PLXNA2: variants seen among roughly 807,000 people sequenced by gnomAD.
PLXNA2 encodes plexin A2.
Under a neutral mutation model 193.5 loss-of-function variants are expected in PLXNA2, and 91 were observed. The observed-to-expected ratio is 0.47, with a 90% CI of 0.40 to 0.56. The LOEUF (loss-of-function observed/expected upper bound fraction) is 0.56. PLXNA2 is among the 20% of genes least tolerant of loss of function. The pLI, the probability that PLXNA2 is intolerant of heterozygous loss-of-function variation, is 0.00. For synonymous variants in PLXNA2, 997 were observed against 1,027.3 expected (o/e 0.97, Z 0.56); for missense variants, 1,995 against 2,503.2 (o/e 0.80, Z 4.33).
At chr1:208,071,909 G>C (rs1031928778) in intron 12 of PLXNA2, among the ~76,000 whole-genome samples, 2 of 152,122 alleles carry the variant, frequency 1.3e-5, no homozygotes, top group Admixed American at 1.3e-4. Flanking sequence ...GCAGAGATTT[G>C]GTGCAGCCTT....
chr1:208,154,541 C>T (rs984726596), intron 3 of PLXNA2, among the ~76,000 whole-genome samples: 2 of 152,090 alleles, frequency 1.3e-5, no homozygotes, highest in Non-Finnish European at 2.9e-5. Flanking sequence ...AGGACTAAGA[C>T]CAAGGGAGCT....
chr1:208,238,019 C>T lies in PLXNA2; in HGVS notation c.-81+5624G>A, dbSNP rs1023969915. 5.3e-5 allele frequency among the ~76,000 whole-genome samples: 8 copies of T among 152,224 alleles called. No homozygotes were observed. In the East Asian group the frequency reaches 9.6e-4, roughly 18 times the overall value. ...TTGGTTCAGTGCAAAGGGTAAGAAT[C>T]TCTCCTTCTTCTATCCCTCTATACT... On this transcript the variant is annotated intron_variant, in intron 1 of 31. Coordinates refer to ENST00000367033, the MANE Select transcript of PLXNA2 (RefSeq NM_025179.4).
At chr1:208,142,073 C>A (rs1668472828) in intron 4 of PLXNA2, among the ~76,000 whole-genome samples, 1 of 152,242 alleles carries the variant, frequency 6.6e-6, no homozygotes, top group South Asian at 2.1e-4. Flanking sequence ...CGCAGTCTGG[C>A]CTGTTCTTGC....
intron 3 of PLXNA2, among the ~76,000 whole-genome samples, chr1:208,193,871 G>A (rs1670265900): frequency 6.6e-6 from 1 of 152,060 alleles, no homozygotes; most frequent in South Asian, 2.1e-4. Flanking sequence ...TACTGCAGCT[G>A]GGGTGACAGA....
At chr1:208,055,672 G>A (rs566145349) in intron 13 of PLXNA2, among the ~76,000 whole-genome samples, 5 of 152,258 alleles carry the variant, frequency 3.3e-5, no homozygotes, top group South Asian at 4.1e-4. Context: ...GGGAAGATCC[G>A]TGTTTAACCG....
Position 208,042,275 on chromosome 1 carries a change from C to A in PLXNA2, c.4109G>T (p.Arg1370Leu). 1.2e-6 allele frequency: 2 copies of A among 1,614,198 alleles called. No homozygotes were observed. Among genetic ancestry groups the A allele is most frequent in the Non-Finnish European group, 1.7e-6 (2 of 1,180,028 alleles). ...NNKVFLLTFIRTLELQRSFSM... is the reference protein window; with the variant it reads ...NNKVFLLTFILTLELQRSFSM... The stretch of plus-strand genomic sequence containing the variant: ...GAAACTGCGCTGCAGCTCCAGGGTG[C>A]GGATGAAGGTCAGCAGGAACACCTT... The change falls in exon 22 of 32, where the codon CGC becomes CTC. Residue 1370 changes from arginine to leucine, a missense_variant. By Grantham distance (102) the Arg-to-Leu change is moderately radical. Around this residue, in one of 3 missense-constraint regions of PLXNA2, gnomAD observed 1,291 missense variants for 1,673.6 expected, o/e 0.77. Coordinates refer to ENST00000367033, the MANE Select transcript of PLXNA2 (RefSeq NM_025179.4).
At chr1:208,178,911 C>G (rs1669750396) in intron 3 of PLXNA2, among the ~76,000 whole-genome samples, 1 of 152,230 alleles carries the variant, frequency 6.6e-6, no homozygotes, top group Non-Finnish European at 1.5e-5. Flanking sequence ...GATTCGGATG[C>G]AAGCTTAAGT....
rs975307641 is a variant in PLXNA2 at position 208,107,270 on chromosome 1, G to A, written c.1507-4023C>T. ...TAACAACTCTCCAACCGATTCTTACGCAGGCCAACCACTGATATAGATGAC... is the reference window on the plus strand; with the variant it reads ...TAACAACTCTCCAACCGATTCTTACACAGGCCAACCACTGATATAGATGAC... On this transcript the variant is annotated intron_variant, in intron 4 of 31. Coordinates refer to ENST00000367033, the MANE Select transcript of PLXNA2 (RefSeq NM_025179.4). 3.3e-5 allele frequency among the ~76,000 whole-genome samples: 5 copies of A among 152,276 alleles called. No individual in the cohort carries two copies. The East Asian group carries it at 5.8e-4, about 18-fold the overall frequency.
rs1182630349 is a variant in PLXNA2 at position 208,060,687 on chromosome 1, G to A, written c.2737C>T (p.Gln913Ter). The stretch of plus-strand genomic sequence containing the variant: ...AAGGGCTGGCCAGGGCGGACTCACT[G>A]CTCAGCGATGATGTATTCCCCTGGG... ...PLPGEYIIAE[Q>*]IVCEMGHALV... The change falls in exon 13 of 32, where the codon CAG (glutamine) becomes TAG (stop). Residue 913 changes from glutamine to a stop codon, truncating the protein, a stop_gained and splice_region_variant. Coordinates refer to ENST00000367033, the MANE Select transcript of PLXNA2 (RefSeq NM_025179.4). LOFTEE classifies it high-confidence loss of function. 1.2e-6 allele frequency: 2 copies of A among 1,612,658 alleles called. No homozygotes were observed. The highest frequency in any genetic ancestry group is 1.3e-5 in the African/African-American group (1 of 74,860).
intron 18 of PLXNA2, 100 bp downstream of exon 18, chr1:208,045,778 A>G (rs1342287120): frequency 1.4e-6 from 2 of 1,445,766 alleles, no homozygotes; most frequent in Admixed American, 1.9e-5. Flanking sequence ...TCAATTGCAT[A>G]GAAAGGAGAG....
rs1490506066 is a variant in PLXNA2, at chr1:208,216,755, C to T, written c.1168G>A (p.Asp390Asn). ...CTTACCGCCTTGGTGCACTGGACGT[C>T]CTTCCCCAGCAGCCAGTTGAGCTCC... ...NLELNWLLGK[D>N]VQCTKAPVPI... The change falls in exon 2 of 32, where the codon GAC becomes AAC. Residue 390 changes from aspartate to asparagine, a missense_variant. Physicochemically the swap from Asp to Asn is conservative, Grantham distance 23 (BLOSUM62 1). Coordinates refer to ENST00000367033, the MANE Select transcript of PLXNA2 (RefSeq NM_025179.4). 14 of 1,613,498 alleles carry T rather than the reference C, an allele frequency of 8.7e-6. No homozygotes were observed. The highest frequency in any genetic ancestry group is 4.5e-5 in the East Asian group (2 of 44,874).
chr1:208,243,722 G>A lies in PLXNA2; in HGVS notation c.-160C>T, dbSNP rs931974312. On this transcript the variant is annotated 5_prime_UTR_variant, in exon 1 of 32. Transcript: ENST00000367033. ...CCGCCGGCTGCTGAGGGCGGCGCGA[G>A]GCCCCTCTCCCTGCCCGCAGCTCGG... 2.6e-5 allele frequency: 4 copies of A among 152,280 alleles called. No homozygotes were observed. The highest frequency in any genetic ancestry group is 5.9e-5 in the Non-Finnish European group (4 of 68,076). The allele number at this position is 152,280 out of a possible 1,614,324, so 9.4% of individuals were successfully genotyped here. A position where few individuals can be genotyped will look rare whatever the true frequency, so the allele number is the denominator to read the frequency against.
chr1:208,210,189 A>G (rs1670889783), intron 3 of PLXNA2, 91 bp downstream of exon 3: 2 of 1,382,438 alleles, frequency 1.4e-6, no homozygotes. Context: ...AGTTGCCTAT[A>G]GTTAAATCTC....
chr1:208,207,194 C>T (rs570301255), intron 3 of PLXNA2, among the ~76,000 whole-genome samples: 10 of 152,240 alleles, frequency 6.6e-5, no homozygotes, highest in East Asian at 1.9e-4. Context: ...TTAGTAGAGA[C>T]GGGGTTTCAC....
At chr1:208,048,229 G>A (rs939249377) in intron 17 of PLXNA2, among the ~76,000 whole-genome samples, 2 of 152,180 alleles carry the variant, frequency 1.3e-5, no homozygotes, top group Non-Finnish European at 1.5e-5. Flanking sequence ...TGGGTTTGGC[G>A]GCTTCACTCT....
At chr1:208,050,399 T>G (rs1234960718) in intron 17 of PLXNA2, among the ~76,000 whole-genome samples, 1 of 152,266 alleles carries the variant, frequency 6.6e-6, no homozygotes, top group Non-Finnish European at 1.5e-5. Context: ...ACTTCCAATA[T>G]GGGTTTTCAC....
At chr1:208,164,072 C>A (rs1368832299) in intron 3 of PLXNA2, among the ~76,000 whole-genome samples, 1 of 152,212 alleles carries the variant, frequency 6.6e-6, no homozygotes, top group African/African-American at 2.4e-5. Flanking sequence ...TACAGTGTTG[C>A]CGCATGGCAA....
At chr1:208,156,859 T>G (rs2102507470) in intron 3 of PLXNA2, among the ~76,000 whole-genome samples, 1 of 152,360 alleles carries the variant, frequency 6.6e-6, no homozygotes, top group African/African-American at 2.4e-5. Context: ...AGCCGTAAAC[T>G]TGGACCACAA....
rs370191464 is a variant in PLXNA2, at chr1:208,060,854, G to A, written c.2587-17C>T. ...CGTCAAAATCTGCAGGAGGGAAATG[G>A]GATTAGCAATTTGGTTTGGTCACAG... On this transcript the variant is annotated splice_polypyrimidine_tract_variant and intron_variant, in intron 12 of 31. Coordinates refer to ENST00000367033, the MANE Select transcript of PLXNA2 (RefSeq NM_025179.4). 3.7e-6 allele frequency: 6 copies of A among 1,612,596 alleles called. No individual in the cohort carries two copies. In the African/African-American group the frequency reaches 8.0e-5, roughly 22 times the overall value.
Sources: allele counts gnomAD v4.1 joint callset (sites outside exome capture counted in the v4.1 genomes callset), GRCh38; gene constraint gnomAD v4.1.1; regional missense constraint gnomAD v4.1.1; transcripts MANE v1.5; gene names NCBI Gene and HGNC (gene_info 2026-07-23, HGNC 2026-07-21).